The following NR2F1 variants were observed in gnomAD, a reference collection of about 807,000 sequenced individuals.
NR2F1 encodes COUP transcription factor 1.
In NR2F1, 1 loss-of-function variant was observed where a neutral mutation model predicts 37.7. That is an observed-to-expected ratio of 0.03 (90% confidence interval 0.01 to 0.13). The LOEUF is 0.13. Among genes scored for constraint, NR2F1 ranks in the 10% least tolerant of loss-of-function variants. NR2F1 has a pLI of 1.00. For synonymous variants in NR2F1, 275 were observed against 259.6 expected (o/e 1.06, Z -0.57); for missense variants, 268 against 578.4 (o/e 0.46, Z 5.50).
In NR2F1 at chr5:93,593,897, G is replaced by A. The variant is rs1236144078; in HGVS notation, c.*55G>A. The A allele has an allele frequency of 9.6e-6, 15 of 1,556,806 alleles. No individual in the cohort carries two copies. Among genetic ancestry groups the A allele is most frequent in the Non-Finnish European group, 1.2e-5 (14 of 1,143,914 alleles). On this transcript the variant is annotated 3_prime_UTR_variant, in exon 3 of 3. Transcript: ENST00000327111. This position sits in a 1 kb window ranked among gnomAD's most constrained non-coding sequence, Gnocchi z 5.6. ...CCCTAGAGACTCAGAGGACCCACCT[G>A]GGCCAAGGACTCCAAAGCCGCGGGG... is the stretch of plus-strand genomic sequence containing the variant.
rs996654051 is a variant in NR2F1 at position 93,593,356 on chromosome 5, T to G, written c.992-206T>G. 2.6e-5 allele frequency among the ~76,000 whole-genome samples: 4 copies of G among 151,938 alleles called. No individual in the cohort carries two copies. Among genetic ancestry groups the G allele is most frequent in the African/African-American group, 9.7e-5 (4 of 41,328 alleles). ...TGGTGGGGGTTTGATTTATTTTTAT[T>G]TGTATTGTATTGGGGGCGGGGGAGG... On this transcript the variant is annotated intron_variant, in intron 2 of 2. Transcript: ENST00000327111. The surrounding 1 kb of genome is among the most constrained non-coding windows in gnomAD (Gnocchi z 5.6).
Position 93,583,436 on chromosome 5 carries a change from T to C in NR2F1, c.-1588T>C, listed in dbSNP as rs76981368. On this transcript the variant is annotated 5_prime_UTR_variant, in exon 1 of 3. Coordinates refer to ENST00000327111, the MANE Select transcript of NR2F1 (RefSeq NM_005654.6). ...TTCTTACATATTCTACTAGTTGTTT[T>C]CCCCTTCTTCTTCTCCTTTCTCTCC... The C allele has an allele frequency of 0.02, 3,049 of 152,018 alleles. 51 individuals carry two copies. The highest frequency in any genetic ancestry group is 0.059 in the South Asian group (284 of 4,790). 9.4% of individuals were successfully genotyped at this position (152,018 alleles called of 1,614,324 possible).
intron 1 of NR2F1, 160 bp downstream of exon 1, chr5:93,585,646 C>A: frequency 1.6e-6 from 1 of 616,704 alleles, no homozygotes; most frequent in Non-Finnish European, 2.8e-6. Flanking sequence ...CCGGCGTCTC[C>A]CCCCGCCCTC....
At position 93,585,185 on chromosome 5, in the gene NR2F1, C is replaced by A. The variant is rs557800691; in HGVS notation, c.162C>A (p.Thr54=). Residue 54 remains threonine (T), a synonymous_variant, in exon 1 of 3, where the codon ACC becomes ACA. Transcript: ENST00000327111. ...CGGGCGCGCCGCACACGCCGCAGAC[C>A]CCGGGCCAGCCCGGAGCGCCCGCCA... ...AGSGAPHTPQ[T]PGQPGAPATP... 2.1e-3 allele frequency: 3,220 copies of A among 1,515,938 alleles called. 58 individuals carry two copies. In the African/African-American group the frequency reaches 0.039, roughly 19 times the overall value. 93.9% of individuals were successfully genotyped at this position (1,515,938 alleles called of 1,614,324 possible).
intron 1 of NR2F1, among the ~76,000 whole-genome samples, chr5:93,586,580 G>T (rs1278230114): frequency 1.3e-5 from 2 of 152,184 alleles, no homozygotes; most frequent in Non-Finnish European, 2.9e-5. Flanking sequence ...CAATTTTGCA[G>T]AATGCAGATT....
chr5:93,589,270 G>A (rs1480899050), intron 2 of NR2F1, among the ~76,000 whole-genome samples: 1 of 152,232 alleles, frequency 6.6e-6, no homozygotes, highest in East Asian at 1.9e-4. Context: ...TAACATGCAT[G>A]TTAACAATTT....
At position 93,594,115 on chromosome 5, in the gene NR2F1, T is replaced by G. The variant is rs1753383290; in HGVS notation, c.*273T>G. 1 of 403,094 alleles carries G rather than the reference T, an allele frequency of 2.5e-6. No individual in the cohort carries two copies. The highest frequency in any genetic ancestry group is 4.4e-6 in the Non-Finnish European group (1 of 226,688). 25.0% of individuals were successfully genotyped at this position (403,094 alleles called of 1,614,324 possible). On this transcript the variant is annotated 3_prime_UTR_variant, in exon 3 of 3. Coordinates refer to ENST00000327111, the MANE Select transcript of NR2F1 (RefSeq NM_005654.6). ...AAAAAAGAACCTTGTGTCTGTCTGG[T>G]GAAAAAAAGAAAAACAAATTGGAAG...
At chr5:93,592,418 A>T (rs1753346100) in intron 2 of NR2F1, among the ~76,000 whole-genome samples, 2 of 151,962 alleles carry the variant, frequency 1.3e-5, no homozygotes, top group African/African-American at 2.4e-5. Flanking sequence ...TGGGTATTTG[A>T]ACTAGGAGAG....
Position 93,585,395 on chromosome 5 carries a change from C to G in NR2F1, c.372C>G (p.Ala124=), listed in dbSNP as rs1753212625. 1.2e-6 allele frequency: 2 copies of G among 1,614,114 alleles called. No individual in the cohort carries two copies. Among genetic ancestry groups the G allele is most frequent in the Non-Finnish European group, 1.7e-6 (2 of 1,180,002 alleles). ...GGAACTTAACTTACACATGCCGTGC[C>G]AACAGGAACTGTCCCATCGACCAGC... ...VRRNLTYTCR[A]NRNCPIDQHH... The change falls in exon 1 of 3, where the codon GCC becomes GCG. Residue 124 remains alanine, a synonymous_variant. Transcript: ENST00000327111.
chr5:93,588,884 G>A (rs1753283862), intron 2 of NR2F1, among the ~76,000 whole-genome samples: 1 of 152,084 alleles, frequency 6.6e-6, no homozygotes, highest in East Asian at 1.9e-4. Flanking sequence ...GGGAGGCGAG[G>A]GAAGGAAGAG....
In NR2F1 at chr5:93,593,900, C is replaced by T; in HGVS notation, c.*58C>T. ...TAGAGACTCAGAGGACCCACCTGGG[C>T]CAAGGACTCCAAAGCCGCGGGGACA... On this transcript the variant is annotated 3_prime_UTR_variant, in exon 3 of 3. Coordinates refer to ENST00000327111, the MANE Select transcript of NR2F1 (RefSeq NM_005654.6). This position sits in a 1 kb window ranked among gnomAD's most constrained non-coding sequence, Gnocchi z 5.6. The T allele has an allele frequency of 2.0e-6, 3 of 1,537,336 alleles. No individual in the cohort carries two copies. Among genetic ancestry groups the T allele is most frequent in the Non-Finnish European group, 1.8e-6 (2 of 1,129,036 alleles).
At chr5:93,591,545 C>A (rs2149944840) in intron 2 of NR2F1, among the ~76,000 whole-genome samples, 2 of 152,244 alleles carry the variant, frequency 1.3e-5, no homozygotes, top group Middle Eastern at 3.4e-3. Context: ...CAGCACAGGA[C>A]CCAGGCAGGC....
intron 1 of NR2F1, 163 bp downstream of exon 1, chr5:93,585,649 C>G (rs867622223): frequency 1.6e-5 from 10 of 622,554 alleles, no homozygotes; most frequent in Admixed American, 1.1e-4. Context: ...GCGTCTCCCC[C>G]CGCCCTCCCC....
At chr5:93,591,544 A>AC (rs1350749053) in intron 2 of NR2F1, among the ~76,000 whole-genome samples, 1 of 152,140 alleles carries the variant, frequency 6.6e-6, no homozygotes, top group Non-Finnish European at 1.5e-5. Flanking sequence ...CCAGCACAGG[A>AC]CCCAGGCAGG....
rs777528084 is a variant in NR2F1, at chr5:93,587,906, CTTTT to C, written c.464-9_464-6del. On this transcript the variant is annotated splice_polypyrimidine_tract_variant and splice_region_variant and intron_variant, in intron 1 of 2. Coordinates refer to ENST00000327111, the MANE Select transcript of NR2F1 (RefSeq NM_005654.6). ...TGCACATTGCCTCTTTTCTCTCTTT[CTTTT>C]TGTCAGCGGTTCAGCGAGGAAGAAT... The C allele has an allele frequency of 3.2e-6, 5 of 1,548,580 alleles. No homozygotes were observed. The highest frequency in any genetic ancestry group is 2.7e-5 in the African/African-American group (2 of 73,178).
At chr5:93,588,853 G>A (rs1309462021) in intron 2 of NR2F1, among the ~76,000 whole-genome samples, 3 of 152,024 alleles carry the variant, frequency 2.0e-5, no homozygotes, top group African/African-American at 7.2e-5. Context: ...TTATGTGTGA[G>A]CCAGAGCTCA....
chr5:93,587,945 C>A lies in NR2F1; in HGVS notation c.492C>A (p.Thr164=). ...TTCAGCGAGGAAGAATGCCTCCAAC[C>A]CAGCCCAATCCAGGCCAGTACGCAC... is the stretch of plus-strand genomic sequence containing the variant. ...EAVQRGRMPP[T]QPNPGQYALT... The change falls in exon 2 of 3, where the codon ACC becomes ACA. Residue 164 remains threonine, a synonymous_variant. Transcript: ENST00000327111. The A allele has an allele frequency of 2.5e-6, 4 of 1,590,574 alleles. No individual in the cohort carries two copies. The highest frequency in any genetic ancestry group is 2.3e-5 in the South Asian group (2 of 88,628).
chr5:93,585,622 G>T (rs1256629817), intron 1 of NR2F1, 136 bp downstream of exon 1: 8 of 712,070 alleles, frequency 1.1e-5, no homozygotes, highest in Non-Finnish European at 1.4e-5. Flanking sequence ...CCTTCTCCCG[G>T]CTGCCTTCCT....
At chr5:93,585,775 C>A (rs1055125257) in intron 1 of NR2F1, 7 of 459,276 alleles carry the variant, frequency 1.5e-5, no homozygotes, top group South Asian at 1.2e-4. Flanking sequence ...GCTTAAAATC[C>A]CCTTCTTCCC....
Sources: gnomAD v4.1 joint callset for allele counts (sites outside exome capture counted in the v4.1 genomes callset) on GRCh38, gnomAD v4.1.1 for gene constraint, Gnocchi (gnomAD v3.1) non-coding constraint, MANE v1.5 for transcripts, NCBI Gene and HGNC (gene_info 2026-07-23, HGNC 2026-07-21) for gene names.